The following KAT6B variants were observed in gnomAD, a reference collection of about 807,000 sequenced individuals.
The protein encoded by KAT6B is lysine acetyltransferase 6B.
KAT6B carries 10 observed loss-of-function variants against 187.5 expected under a neutral mutation model. The observed-to-expected ratio is 0.05, with a 90% confidence interval of 0.03 to 0.09. The LOEUF (loss-of-function observed/expected upper bound fraction) is 0.09, where lower values mean the gene tolerates loss of function less well. Ranked by LOEUF, KAT6B falls within the 10% of genes least tolerant of loss-of-function variation. The pLI is 1.00. For synonymous variants in KAT6B, 861 were observed against 926.8 expected (o/e 0.93, Z 1.29); for missense variants, 1,952 against 2,558.9 (o/e 0.76, Z 5.12).
intron 3 of KAT6B, among the ~76,000 whole-genome samples, chr10:74,959,203 C>G (rs1421874070): frequency 6.6e-6 from 1 of 152,052 alleles, no homozygotes; most frequent in East Asian, 1.9e-4. Flanking sequence ...CCTGCTCATT[C>G]TATTATTCTG....
chr10:74,942,658 G>A (rs1349403799), intron 3 of KAT6B, among the ~76,000 whole-genome samples: 5 of 151,272 alleles, frequency 3.3e-5, no homozygotes, highest in Admixed American at 1.3e-4. Flanking sequence ...CCAGCTACTC[G>A]GGAGGCCGAT....
chr10:74,844,906 T>G (rs75543691), intron 3 of KAT6B, among the ~76,000 whole-genome samples: 3,521 of 152,252 alleles, frequency 0.023, 134 homozygotes, highest in African/African-American at 0.08. Context: ...TTATAAAACA[T>G]TAATCATTGT....
At chr10:74,888,306 A>G (rs1845428842) in intron 3 of KAT6B, among the ~76,000 whole-genome samples, 1 of 152,232 alleles carries the variant, frequency 6.6e-6, no homozygotes. Context: ...AATCACAAAT[A>G]TAATTAAAAA....
At chr10:74,922,627 G>C (rs1848217510) in intron 3 of KAT6B, among the ~76,000 whole-genome samples, 1 of 152,196 alleles carries the variant, frequency 6.6e-6, no homozygotes, top group Non-Finnish European at 1.5e-5. Flanking sequence ...ATTTCTTCAT[G>C]ATATATTTTG....
At chr10:74,962,286 T>G (rs1841151907) in intron 4 of KAT6B, among the ~76,000 whole-genome samples, 1 of 152,230 alleles carries the variant, frequency 6.6e-6, no homozygotes, top group South Asian at 2.1e-4. Flanking sequence ...TTGGGGGTTC[T>G]TGTGGTTCTA....
intron 6 of KAT6B, 112 bp downstream of exon 6, chr10:74,970,213 C>T (rs1249193054): frequency 5.2e-5 from 39 of 753,276 alleles, no homozygotes; most frequent in Non-Finnish European, 4.9e-5. Flanking sequence ...TTTCATCCCT[C>T]CCACCTTCCC....
chr10:75,029,001 C>T lies in KAT6B; in HGVS notation c.4177C>T (p.Pro1393Ser), dbSNP rs1476008802. The T allele has an allele frequency of 6.2e-7, 1 of 1,613,834 alleles. No individual in the cohort carries two copies. The highest frequency in any genetic ancestry group is 8.5e-7 in the Non-Finnish European group (1 of 1,179,996). The change falls in exon 18 of 18, where the codon CCA (proline) becomes TCA (serine). Residue 1393 changes from proline to serine, a missense_variant. Transcript: ENST00000287239. The surrounding 1 kb of genome is among the most constrained non-coding windows in gnomAD (Gnocchi z 6.2). ...TGCTAAAAGCCAAGAAAAAGAGGAA[C>T]CAGAAATCTCCACGGAAAAAGAAGA... ...DGAKSQEKEE[P>S]EISTEKEDSA...
chr10:74,977,596 G>A (rs1172493108), intron 9 of KAT6B, among the ~76,000 whole-genome samples, 159 bp downstream of exon 9: 2 of 152,136 alleles, frequency 1.3e-5, no homozygotes, highest in Non-Finnish European at 2.9e-5. Context: ...ACATTCAAAA[G>A]CAATGACTTA....
intron 13 of KAT6B, among the ~76,000 whole-genome samples, chr10:74,991,677 A>G (rs7908565): frequency 0.32 from 48,535 of 152,048 alleles, 13,361 homozygotes; most frequent in African/African-American, 0.73. Context: ...TACTGGAGTG[A>G]GTTAAGAAGT....
At chr10:74,857,801 C>T (rs1842915598) in intron 3 of KAT6B, among the ~76,000 whole-genome samples, 1 of 152,184 alleles carries the variant, frequency 6.6e-6, no homozygotes, top group South Asian at 2.1e-4. Context: ...AGGTGGATCA[C>T]TTGAGGCCAG....
intron 3 of KAT6B, among the ~76,000 whole-genome samples, chr10:74,950,625 T>C (rs539797872): frequency 2.0e-4 from 30 of 152,252 alleles, no homozygotes; most frequent in African/African-American, 6.7e-4. Context: ...ATAAGTGGGT[T>C]AAGTGGCAAG....
chr10:74,911,355 C>T (rs1364391734), intron 3 of KAT6B, among the ~76,000 whole-genome samples: 1 of 151,416 alleles, frequency 6.6e-6, no homozygotes, highest in Non-Finnish European at 1.5e-5. Flanking sequence ...ACTGCAACCT[C>T]CTCCAGGTTC....
intron 13 of KAT6B, among the ~76,000 whole-genome samples, chr10:75,015,501 A>G (rs1050440699): frequency 6.6e-6 from 1 of 152,244 alleles, no homozygotes; most frequent in African/African-American, 2.4e-5. Context: ...ATTTAAACTG[A>G]TAACATGCCA....
chr10:74,916,102 C>T (rs1350738169), intron 3 of KAT6B, among the ~76,000 whole-genome samples: 1 of 152,084 alleles, frequency 6.6e-6, no homozygotes, highest in African/African-American at 2.4e-5. Context: ...GCGGAGGTTG[C>T]AGTGAGCTGA....
At chr10:74,923,839 G>A (rs139212744) in intron 3 of KAT6B, among the ~76,000 whole-genome samples, 15 of 152,278 alleles carry the variant, frequency 9.9e-5, no homozygotes, top group Admixed American at 2.0e-4. Context: ...TTGACTTAAC[G>A]TTTTAACAAG....
chr10:75,002,190 G>A (rs1843883891), intron 13 of KAT6B, among the ~76,000 whole-genome samples: 1 of 152,116 alleles, frequency 6.6e-6, no homozygotes, highest in South Asian at 2.1e-4. Flanking sequence ...TGATGAGGGA[G>A]ATCATGAAGC....
chr10:74,858,302 T>G (rs1191674285), intron 3 of KAT6B, among the ~76,000 whole-genome samples: 2 of 151,096 alleles, frequency 1.3e-5, no homozygotes, highest in Non-Finnish European at 3.0e-5. Context: ...TTTTTTTTTT[T>G]GAGACAGGGT....
intron 7 of KAT6B, 76 bp downstream of exon 7, chr10:74,972,715 C>T (rs1841927831): frequency 2.2e-6 from 3 of 1,348,768 alleles, no homozygotes; most frequent in Non-Finnish European, 3.2e-6. Flanking sequence ...CTCTCAGATT[C>T]CTTTAGGGGT....
At chr10:74,997,619 A>G (rs1308120812) in intron 13 of KAT6B, among the ~76,000 whole-genome samples, 1 of 152,146 alleles carries the variant, frequency 6.6e-6, no homozygotes, top group African/African-American at 2.4e-5. Context: ...AAAAATGCAA[A>G]TTTAGTAACT....
Sources: allele counts gnomAD v4.1 joint callset (sites outside exome capture counted in the v4.1 genomes callset), GRCh38; gene constraint gnomAD v4.1.1; non-coding constraint Gnocchi (gnomAD v3.1); transcripts MANE v1.5; gene names NCBI Gene and HGNC (gene_info 2026-07-23, HGNC 2026-07-21).